Variants in NDFIP2 observed in about 807,000 individuals in gnomAD.
NDFIP2 encodes NEDD4 family-interacting protein 2.
In NDFIP2, 19 loss-of-function variants were observed where a neutral mutation model predicts 36.0. The observed-to-expected ratio is 0.53, with a 90% CI of 0.37 to 0.77. NDFIP2 has a LOEUF of 0.77. NDFIP2 is among the 30% of genes least tolerant of loss of function. The probability of loss-of-function intolerance (pLI) is 0.00; values close to 1 mark genes in which losing one functional copy is unlikely to be tolerated. For synonymous variants in NDFIP2, 181 were observed against 167.7 expected (o/e 1.08, Z -0.61); for missense variants, 446 against 435.8 (o/e 1.02, Z -0.21).
Position 79,555,589 on chromosome 13 carries a change from T to C in NDFIP2, c.*3076T>C, listed in dbSNP as rs554566930. 4 of 152,156 alleles carry C rather than the reference T, an allele frequency of 2.6e-5. No homozygotes were observed. In the East Asian group the frequency reaches 5.8e-4, roughly 22 times the overall value. 9.4% of individuals were successfully genotyped at this position (152,156 alleles called of 1,614,324 possible). The stretch of plus-strand genomic sequence containing the variant: ...AGAGGAATAGTATTTTTTTTAATAG[T>C]TGTATTTGAATGATTCCAGCTTATC... On this transcript the variant is annotated 3_prime_UTR_variant, in exon 8 of 8. Coordinates refer to ENST00000218652, the MANE Select transcript of NDFIP2 (RefSeq NM_019080.3).
At chr13:79,510,082 G>A (rs1188590493) in intron 1 of NDFIP2, among the ~76,000 whole-genome samples, 3 of 152,106 alleles carry the variant, frequency 2.0e-5, no homozygotes, top group Admixed American at 2.0e-4. Context: ...TATCACAGGA[G>A]TCCATTCAGA....
intron 1 of NDFIP2, among the ~76,000 whole-genome samples, chr13:79,485,525 C>T (rs926513131): frequency 6.6e-6 from 1 of 152,168 alleles, no homozygotes; most frequent in Non-Finnish European, 1.5e-5. Context: ...CCTTTCCTTA[C>T]TCTCTAGTTG....
chr13:79,492,393 A>G (rs993590285), intron 1 of NDFIP2, among the ~76,000 whole-genome samples: 1 of 151,906 alleles, frequency 6.6e-6, no homozygotes, highest in Non-Finnish European at 1.5e-5. Flanking sequence ...AAGAGTCTTG[A>G]AATAACACTT....
At chr13:79,542,471 G>A (rs888273857) in intron 4 of NDFIP2, among the ~76,000 whole-genome samples, 8 of 150,806 alleles carry the variant, frequency 5.3e-5, no homozygotes, top group African/African-American at 2.0e-4. Flanking sequence ...GTCCTTGCCC[G>A]TATTTGGTGT....
intron 1 of NDFIP2, among the ~76,000 whole-genome samples, chr13:79,497,791 GGGGGGTGTGTGTGTGTGT>G (rs1379273777): frequency 4.2e-4 from 28 of 67,130 alleles, no homozygotes; most frequent in Non-Finnish European, 8.7e-4. Flanking sequence ...CTTTATCTGT[GGGGGGTGTGTGTGTGTGT>G]GTGTGTGTGT....
Position 79,555,391 on chromosome 13 carries a change from A to C in NDFIP2, c.*2878A>C, listed in dbSNP as rs577244233. 2 of 151,516 alleles carry C rather than the reference A, an allele frequency of 1.3e-5. No individual in the cohort carries two copies. Among genetic ancestry groups the C allele is most frequent in the East Asian group, 3.9e-4 (2 of 5,174 alleles). The allele number at this position is 151,516 out of a possible 1,614,324, so 9.4% of individuals were successfully genotyped here. On this transcript the variant is annotated 3_prime_UTR_variant, in exon 8 of 8. Coordinates refer to ENST00000218652, the MANE Select transcript of NDFIP2 (RefSeq NM_019080.3). Reference sequence around the variant, plus strand: ...CTTAATAGTGCCTCATCGTACTCTCAAAAGTGTTCTAATTTGGAGGATAAG... The same window carrying C: ...CTTAATAGTGCCTCATCGTACTCTCCAAAGTGTTCTAATTTGGAGGATAAG...
intron 1 of NDFIP2, among the ~76,000 whole-genome samples, chr13:79,483,640 T>C (rs570976256): frequency 6.6e-6 from 1 of 152,204 alleles, no homozygotes. Context: ...TTTCACTTAC[T>C]TAAAGAGTTT....
At chr13:79,544,519 T>C (rs1404189814) in intron 5 of NDFIP2, among the ~76,000 whole-genome samples, 1 of 151,806 alleles carries the variant, frequency 6.6e-6, no homozygotes, top group Non-Finnish European at 1.5e-5. Context: ...CTGTAAGATC[T>C]AGGAGAATGA....
intron 1 of NDFIP2, among the ~76,000 whole-genome samples, chr13:79,506,120 C>G (rs373783282): frequency 4.6e-5 from 7 of 151,998 alleles, no homozygotes; most frequent in African/African-American, 1.7e-4. Context: ...ACCTTCTGTC[C>G]TACATTAAAA....
At chr13:79,537,982 C>G (rs560944713) in intron 3 of NDFIP2, among the ~76,000 whole-genome samples, 1 of 149,726 alleles carries the variant, frequency 6.7e-6, no homozygotes, top group South Asian at 2.1e-4. Flanking sequence ...AGGAAACTTA[C>G]GATTGTGGCG....
At chr13:79,521,275 A>T (rs1040615082) in intron 2 of NDFIP2, among the ~76,000 whole-genome samples, 1 of 152,144 alleles carries the variant, frequency 6.6e-6, no homozygotes, top group Non-Finnish European at 1.5e-5. Flanking sequence ...CATACATATG[A>T]TAATTACTGA....
intron 1 of NDFIP2, among the ~76,000 whole-genome samples, chr13:79,489,339 C>T (rs1013008078): frequency 6.6e-6 from 1 of 152,164 alleles, no homozygotes; most frequent in Non-Finnish European, 1.5e-5. Context: ...TTGATGTGAC[C>T]TTGGCTTCCC....
At chr13:79,494,216 A>G (rs1466153862) in intron 1 of NDFIP2, among the ~76,000 whole-genome samples, 1 of 151,974 alleles carries the variant, frequency 6.6e-6, no homozygotes. Context: ...TGGGCCAACT[A>G]TTCTATGTTG....
At chr13:79,489,548 GAGATGATGTGCCACACC>G (rs1359121342) in intron 1 of NDFIP2, among the ~76,000 whole-genome samples, 5 of 152,190 alleles carry the variant, frequency 3.3e-5, no homozygotes, top group Non-Finnish European at 7.3e-5. Flanking sequence ...GCCATCTTTG[GAGATGATGTGCCACACC>G]AGTCAATTTG....
intron 1 of NDFIP2, among the ~76,000 whole-genome samples, chr13:79,499,802 T>G (rs1873586408): frequency 6.6e-6 from 1 of 151,952 alleles, no homozygotes; most frequent in Non-Finnish European, 1.5e-5. Context: ...ACAACCTGAC[T>G]TGGAGATGCA....
chr13:79,546,247 C>T (rs915578488), intron 5 of NDFIP2, among the ~76,000 whole-genome samples: 9 of 152,198 alleles, frequency 5.9e-5, no homozygotes, highest in Middle Eastern at 3.4e-3. Context: ...ATCATACTGC[C>T]GCTGTCCATT....
chr13:79,511,358 A>AT (rs1874078736), intron 1 of NDFIP2, among the ~76,000 whole-genome samples: 1 of 152,166 alleles, frequency 6.6e-6, no homozygotes, highest in African/African-American at 2.4e-5. Flanking sequence ...AGTAGTAGTT[A>AT]TTATAAAGAC....
At chr13:79,499,198 A>G (rs1396419909) in intron 1 of NDFIP2, among the ~76,000 whole-genome samples, 1 of 151,972 alleles carries the variant, frequency 6.6e-6, no homozygotes, top group East Asian at 1.9e-4. Context: ...TCCAACACCC[A>G]TTCATGATAA....
At chr13:79,533,682 T>G (rs1170674864) in intron 3 of NDFIP2, among the ~76,000 whole-genome samples, 1 of 152,136 alleles carries the variant, frequency 6.6e-6, no homozygotes, top group Non-Finnish European at 1.5e-5. Flanking sequence ...TGGGACAAAT[T>G]GCATAGCCTA....
Sources: allele counts gnomAD v4.1 joint callset (sites outside exome capture counted in the v4.1 genomes callset), GRCh38; gene constraint gnomAD v4.1.1; transcripts MANE v1.5; gene names NCBI Gene and HGNC (gene_info 2026-07-23, HGNC 2026-07-21).